The following CSNK1D variants were observed in gnomAD, a reference collection of about 807,000 sequenced individuals.
CSNK1D encodes the protein casein kinase I isoform delta.
A neutral mutation model predicts 46.6 loss-of-function variants in CSNK1D; 16 were observed. The observed-to-expected ratio is 0.34, with a 90% confidence interval of 0.23 to 0.52. The LOEUF (loss-of-function observed/expected upper bound fraction) is 0.52. Among genes scored for constraint, CSNK1D ranks in the 20% least tolerant of loss-of-function variants. The probability of loss-of-function intolerance (pLI) is 0.95; values close to 1 mark genes in which losing one functional copy is unlikely to be tolerated. For synonymous variants in CSNK1D, 276 were observed against 228.2 expected (o/e 1.21, Z -1.89); for missense variants, 398 against 578.4 (o/e 0.69, Z 3.20).
At chr17:82,239,919 C>A, downstream of CSNK1D, 1 of 1,082,032 alleles carries the variant, frequency 9.2e-7, no homozygotes. Flanking sequence ...CCCACCTGCC[C>A]TCGTGGCCAG....
intron 8 of CSNK1D, chr17:82,247,157 C>T (rs1032786360): frequency 9.1e-6 from 9 of 985,274 alleles, no homozygotes; most frequent in Non-Finnish European, 1.1e-5. Flanking sequence ...CCCAAACCAG[C>T]TCTCTCTGGA....
At chr17:82,241,797 A>C (rs1462373935), downstream of CSNK1D, among the ~76,000 whole-genome samples, 1 of 152,198 alleles carries the variant, frequency 6.6e-6, no homozygotes, top group Non-Finnish European at 1.5e-5. Context: ...GGGAGGAGGC[A>C]AAGTCTGGGC....
chr17:82,242,216 G>T (rs112967906), downstream of CSNK1D, among the ~76,000 whole-genome samples: 89 of 151,744 alleles, frequency 5.9e-4, 1 homozygote, highest in African/African-American at 1.4e-3. Flanking sequence ...GTGCTCTGGG[G>T]GGGGGGGGAA....
chr17:82,270,091 A>C (rs2051580875), intron 1 of CSNK1D, among the ~76,000 whole-genome samples: 1 of 152,226 alleles, frequency 6.6e-6, no homozygotes, highest in Admixed American at 6.5e-5. Flanking sequence ...GCCCTCCTGA[A>C]GGGCCTTGCG....
rs760578322 is a variant in CSNK1D, at chr17:82,255,391, C to T, written c.336+38G>A. ...CAAGCGAGTGGCTGATTCTATCAGA[C>T]AGCAAGTGTGTGCCAACTGTCAGGA... On this transcript the variant is annotated intron_variant, in intron 3 of 8. Transcript: ENST00000314028. The surrounding 1 kb of genome is among the most constrained non-coding windows in gnomAD (Gnocchi z 5.9). The T allele has an allele frequency of 6.2e-7, 1 of 1,612,784 alleles. No individual in the cohort carries two copies. Among genetic ancestry groups the T allele is most frequent in the South Asian group, 1.1e-5 (1 of 91,060 alleles).
At position 82,270,342 on chromosome 17, in the gene CSNK1D, C is replaced by T. The variant is rs775741307; in HGVS notation, c.76+2964G>A. On this transcript the variant is annotated intron_variant, in intron 1 of 8. Transcript: ENST00000314028. The stretch of plus-strand genomic sequence containing the variant: ...CACTCCACTGAAGCACAGCCTTCCC[C>T]CCTTCCTGGTCTCAAACATCTGAAA... Among the ~76,000 whole-genome samples, 4 of 152,296 alleles carry T rather than the reference C, an allele frequency of 2.6e-5. No homozygotes were observed. The South Asian group carries it at 8.3e-4, about 32-fold the overall frequency.
intron 1 of CSNK1D, among the ~76,000 whole-genome samples, chr17:82,270,993 A>G (rs1019443092): frequency 6.6e-6 from 1 of 152,248 alleles, no homozygotes; most frequent in Non-Finnish European, 1.5e-5. Context: ...AACCACACCA[A>G]AATTTGTCTT....
Position 82,248,819 on chromosome 17 carries a change from T to A in CSNK1D, c.1197+56A>T. The A allele has an allele frequency of 6.3e-7, 1 of 1,580,002 alleles. No individual in the cohort carries two copies. The highest frequency in any genetic ancestry group is 8.6e-7 in the Non-Finnish European group (1 of 1,162,624). On this transcript the variant is annotated intron_variant, in intron 8 of 8. Coordinates refer to ENST00000314028, the MANE Select transcript of CSNK1D (RefSeq NM_001893.6). This position sits in a 1 kb window ranked among gnomAD's most constrained non-coding sequence, Gnocchi z 4.1. The stretch of plus-strand genomic sequence containing the variant: ...GCCCTGGAGAAACCACAGCCCGCTC[T>A]TGACTCGGACGGGGTAGCCCGAGGC...
Position 82,250,992 on chromosome 17 carries a change from G to T in CSNK1D, c.885+387C>A. ...AGGCTAGACGGGTAGCACCTCACCAGGCCCCAACCCCACTCATCTCGTGGG... is the reference window on the plus strand; with the variant it reads ...AGGCTAGACGGGTAGCACCTCACCATGCCCCAACCCCACTCATCTCGTGGG... On this transcript the variant is annotated intron_variant, in intron 6 of 8. Transcript: ENST00000314028. The surrounding 1 kb of genome is among the most constrained non-coding windows in gnomAD (Gnocchi z 4.6). 6.1e-6 allele frequency: 2 copies of T among 330,354 alleles called. No homozygotes were observed. The highest frequency in any genetic ancestry group is 1.2e-5 in the Non-Finnish European group (2 of 170,348). The allele number at this position is 330,354 out of a possible 1,614,324, so 20.5% of individuals were successfully genotyped here. A position where few individuals can be genotyped will look rare whatever the true frequency, so the allele number is the denominator to read the frequency against.
At chr17:82,254,155 C>T (rs2051095063) in intron 3 of CSNK1D, 4 of 230,278 alleles carry the variant, frequency 1.7e-5, no homozygotes, top group South Asian at 3.3e-5. Context: ...TGAGCTGAGC[C>T]GCCGGAGCCT....
At position 82,250,206 on chromosome 17, in the gene CSNK1D, A is replaced by G; in HGVS notation, c.886-604T>C. The G allele has an allele frequency of 7.8e-7, 1 of 1,289,866 alleles. No individual in the cohort carries two copies. Among genetic ancestry groups the G allele is most frequent in the South Asian group, 1.2e-5 (1 of 81,030 alleles). 79.9% of individuals were successfully genotyped at this position (1,289,866 alleles called of 1,614,324 possible). ...TATGAAAAAGCAGATTCTAACTGCCAATGCTGTGCGGCAGGGGCCTGCAAA... is the reference window on the plus strand; with the variant it reads ...TATGAAAAAGCAGATTCTAACTGCCGATGCTGTGCGGCAGGGGCCTGCAAA... On this transcript the variant is annotated intron_variant, in intron 6 of 8. Transcript: ENST00000314028. This position sits in a 1 kb window ranked among gnomAD's most constrained non-coding sequence, Gnocchi z 4.6.
chr17:82,267,990 C>T (rs1297709476), intron 1 of CSNK1D, among the ~76,000 whole-genome samples: 4 of 152,264 alleles, frequency 2.6e-5, no homozygotes, highest in African/African-American at 9.6e-5. Context: ...ACCAGCCGCT[C>T]TGGCACACAA....
chr17:82,240,796 C>T (rs530852608), downstream of CSNK1D, among the ~76,000 whole-genome samples: 31 of 152,250 alleles, frequency 2.0e-4, no homozygotes, highest in African/African-American at 3.9e-4. Context: ...GGGCACAGGA[C>T]GTGTGGGGGC....
chr17:82,262,388 CTGCCCAGGGCTGCTA>C (rs1171160136), intron 2 of CSNK1D, among the ~76,000 whole-genome samples: 1 of 152,236 alleles, frequency 6.6e-6, no homozygotes, highest in African/African-American at 2.4e-5. Context: ...TCAGTACCCA[CTGCCCAGGGCTGCTA>C]TGGGCAGTGA....
chr17:82,273,699 G>C lies in CSNK1D; in HGVS notation c.-318C>G. 4.0e-6 allele frequency: 2 copies of C among 496,314 alleles called. No homozygotes were observed. Among genetic ancestry groups the C allele is most frequent in the Non-Finnish European group, 3.5e-6 (1 of 284,408 alleles). The allele number at this position is 496,314 out of a possible 1,614,324, so 30.7% of individuals were successfully genotyped here. ...CTAAAGGAGCCGCCGCCATCGCGCT[G>C]TGACGTCACTTCCCCTAGCAACCCG... On this transcript the variant is annotated 5_prime_UTR_variant, in exon 1 of 9. Transcript: ENST00000314028. This position sits in a 1 kb window ranked among gnomAD's most constrained non-coding sequence, Gnocchi z 5.1.
In CSNK1D at chr17:82,255,483, G is replaced by A. The variant is rs1180818841; in HGVS notation, c.282C>T (p.Asn94=). 1 of 1,614,194 alleles carries A rather than the reference G, an allele frequency of 6.2e-7. No homozygotes were observed. Among genetic ancestry groups the A allele is most frequent in the Non-Finnish European group, 8.5e-7 (1 of 1,180,044 alleles). Reference sequence around the variant, plus strand: ...TGAGGCTGAATTTCCTGGAGCAGAAGTTGAAGAGGTCCTCCAGGCTTGGCC... The same window carrying A: ...TGAGGCTGAATTTCCTGGAGCAGAAATTGAAGAGGTCCTCCAGGCTTGGCC... ...LLGPSLEDLF[N]FCSRKFSLKT... The change falls in exon 3 of 9, where the codon AAC becomes AAT. Residue 94 remains asparagine, a synonymous_variant. Coordinates refer to ENST00000314028, the MANE Select transcript of CSNK1D (RefSeq NM_001893.6). The surrounding 1 kb of genome is among the most constrained non-coding windows in gnomAD (Gnocchi z 5.9).
rs1026107671 is a variant in CSNK1D, at chr17:82,250,416, C to T, written c.886-814G>A. 1.1e-5 allele frequency: 4 copies of T among 355,568 alleles called. No individual in the cohort carries two copies. The highest frequency in any genetic ancestry group is 1.7e-5 in the Non-Finnish European group (3 of 180,062). The allele number at this position is 355,568 out of a possible 1,614,324, so 22.0% of individuals were successfully genotyped here. On this transcript the variant is annotated intron_variant, in intron 6 of 8. Coordinates refer to ENST00000314028, the MANE Select transcript of CSNK1D (RefSeq NM_001893.6). The surrounding 1 kb of genome is among the most constrained non-coding windows in gnomAD (Gnocchi z 4.6). ...ACGCTGGCCTAGCCTGCTCTGAGGG[C>T]CGGGTGACTCTAATGCCGCAGGAGG...
chr17:82,258,102 G>C (rs890715232), intron 2 of CSNK1D, among the ~76,000 whole-genome samples: 1 of 151,308 alleles, frequency 6.6e-6, no homozygotes, highest in Non-Finnish European at 1.5e-5. Context: ...AGCTACTCGG[G>C]AGGCTAAGGT....
chr17:82,265,917 C>T (rs1462171816), intron 1 of CSNK1D, 121 bp from the exon 2 acceptor site: 9 of 839,930 alleles, frequency 1.1e-5, no homozygotes, highest in Non-Finnish European at 2.1e-6. Context: ...GATGTGTTCT[C>T]CTTCCTAGCA....
Sources: allele counts gnomAD v4.1 joint callset (sites outside exome capture counted in the v4.1 genomes callset), GRCh38; gene constraint gnomAD v4.1.1; non-coding constraint Gnocchi (gnomAD v3.1); transcripts MANE v1.5; gene names NCBI Gene and HGNC (gene_info 2026-07-23, HGNC 2026-07-21).